The following NRAS variants were observed in gnomAD, a reference collection of about 807,000 sequenced individuals.
NRAS encodes GTPase NRas.
Under a neutral mutation model 21.3 loss-of-function variants are expected in NRAS, and 6 were observed. That is an observed-to-expected ratio of 0.28 (90% confidence interval 0.15 to 0.56). The LOEUF (loss-of-function observed/expected upper bound fraction) is 0.56. Ranked by LOEUF, NRAS falls within the 20% of genes least tolerant of loss-of-function variation. NRAS has a pLI of 0.93. For missense variants in NRAS, 143 were observed against 231.3 expected, an observed-to-expected ratio of 0.62 and a Z score of 2.48; for synonymous variants, 84 against 82.0, an observed-to-expected ratio of 1.02 and a Z score of -0.13.
At chr1:114,708,314 T>C in intron 5 of NRAS, 122 bp from the exon 6 acceptor site, 1 of 583,806 alleles carries the variant, frequency 1.7e-6, no homozygotes, top group Non-Finnish European at 3.0e-6. Flanking sequence ...TCTTATAATT[T>C]CTAATGTTAC....
At chr1:114,716,557 CTT>C (rs1659176235) in intron 1 of NRAS, 99 bp downstream of exon 1, 7 of 347,860 alleles carry the variant, frequency 2.0e-5, no homozygotes, top group South Asian at 4.8e-5. Context: ...CGCCCAAGGC[CTT>C]TGTCTCCAGC....
chr1:114,711,689 A>AT (rs1205021689), intron 3 of NRAS, among the ~76,000 whole-genome samples: 3 of 152,154 alleles, frequency 2.0e-5, no homozygotes, highest in Non-Finnish European at 4.4e-5. Flanking sequence ...AATAGAAAAC[A>AT]TAAGAACTGC....
chr1:114,715,233 A>T (rs1375939030), intron 2 of NRAS, among the ~76,000 whole-genome samples: 1 of 151,644 alleles, frequency 6.6e-6, no homozygotes, highest in Non-Finnish European at 1.5e-5. Context: ...CACCATGTTG[A>T]TCAGGCTGGT....
intron 3 of NRAS, among the ~76,000 whole-genome samples, chr1:114,711,823 C>T (rs954090016): frequency 6.6e-6 from 1 of 152,124 alleles, no homozygotes; most frequent in African/African-American, 2.4e-5. Flanking sequence ...CAACACAATC[C>T]AACAGTACTT....
intron 3 of NRAS, among the ~76,000 whole-genome samples, chr1:114,709,956 G>A (rs574788343): frequency 6.6e-5 from 10 of 152,042 alleles, no homozygotes; most frequent in Non-Finnish European, 1.3e-4. Context: ...ACTTTGGGAG[G>A]TTGAGGTGGG....
intron 3 of NRAS, among the ~76,000 whole-genome samples, chr1:114,710,564 T>A (rs1557981774): frequency 1.3e-5 from 2 of 150,488 alleles, no homozygotes; most frequent in African/African-American, 4.9e-5. Context: ...AGAAAGAAAG[T>A]GAGAGCGAGA....
rs188799052 is a variant in NRAS at position 114,704,659 on chromosome 1, T to C, written c.*3435A>G. ...TTTAAACAGCAGAATTGCACAATTA[T>C]TTTTACCTATATTTGATGGCACAAA... On this transcript the variant is annotated 3_prime_UTR_variant, in exon 7 of 7. Coordinates refer to ENST00000369535, the MANE Select transcript of NRAS (RefSeq NM_002524.5). 1.0e-3 allele frequency: 153 copies of C among 152,344 alleles called. No individual in the cohort carries two copies. Among genetic ancestry groups the C allele is most frequent in the African/African-American group, 2.7e-3 (112 of 41,578 alleles). 9.4% of individuals were successfully genotyped at this position (152,344 alleles called of 1,614,324 possible).
rs553362117 is a variant in NRAS, at chr1:114,716,766, G to C, written c.-126C>G. The C allele has an allele frequency of 6.4e-6, 1 of 155,070 alleles. No individual in the cohort carries two copies. The highest frequency in any genetic ancestry group is 1.4e-5 in the Non-Finnish European group (1 of 69,416). The allele number at this position is 155,070 out of a possible 1,614,324, so 9.6% of individuals were successfully genotyped here. The stretch of plus-strand genomic sequence containing the variant: ...GCCCCCACCAAGGAGCGGCACTTCC[G>C]GCCCCGCCCGCTACGTAATCAGTCG... On this transcript the variant is annotated 5_prime_UTR_variant, in exon 1 of 7. Transcript: ENST00000369535.
At chr1:114,715,654 C>T (rs553730144) in intron 2 of NRAS, among the ~76,000 whole-genome samples, 60 of 152,166 alleles carry the variant, frequency 3.9e-4, no homozygotes, top group Non-Finnish European at 7.5e-4. Context: ...GTCTCAGCTG[C>T]TTCAACTAGC....
At position 114,714,551 on chromosome 1, in the gene NRAS, T is replaced by C. The variant is rs543366990; in HGVS notation, c.112-573A>G. Among the ~76,000 whole-genome samples the C allele has an allele frequency of 3.3e-5, 5 of 152,354 alleles. 1 individual carries two copies. In the South Asian group the frequency reaches 8.3e-4, roughly 25 times the overall value. ...ACAAGGTATAGTTATGTTTAATTTC[T>C]CAGGAAGACAAACATGCATAGATCA... On this transcript the variant is annotated intron_variant, in intron 2 of 6. Transcript: ENST00000369535.
At chr1:114,715,786 T>G (rs571887939) in intron 2 of NRAS, among the ~76,000 whole-genome samples, 1 of 152,240 alleles carries the variant, frequency 6.6e-6, no homozygotes, top group African/African-American at 2.4e-5. Flanking sequence ...AGCTGTTATA[T>G]ATGAAGAAAC....
At chr1:114,712,987 T>C (rs1244193596) in intron 3 of NRAS, among the ~76,000 whole-genome samples, 1 of 152,208 alleles carries the variant, frequency 6.6e-6, no homozygotes, top group East Asian at 1.9e-4. Flanking sequence ...ATAACAATCC[T>C]GACTCCAAAA....
At position 114,707,556 on chromosome 1, in the gene NRAS, C is replaced by T. The variant is rs1658945002; in HGVS notation, c.*538G>A. The T allele has an allele frequency of 6.6e-6, 1 of 152,380 alleles. No individual in the cohort carries two copies. Among genetic ancestry groups the T allele is most frequent in the South Asian group, 2.1e-4 (1 of 4,820 alleles). The allele number at this position is 152,380 out of a possible 1,614,324, so 9.4% of individuals were successfully genotyped here. A position where few individuals can be genotyped will look rare whatever the true frequency, so the allele number is the denominator to read the frequency against. On this transcript the variant is annotated 3_prime_UTR_variant, in exon 7 of 7. Transcript: ENST00000369535. ...GTATTTATGAATCTAGAGCAGATGC[C>T]AGTTTAGAGAATAGAGCCGATAACA...
intron 2 of NRAS, 89 bp from the exon 3 acceptor site, chr1:114,714,067 T>C: frequency 1.2e-6 from 1 of 821,506 alleles, no homozygotes; most frequent in Non-Finnish European, 2.0e-6. Flanking sequence ...TTGCCAAGGT[T>C]AAATAAGCAT....
In NRAS at chr1:114,714,089, A is replaced by G. The variant is rs891648318; in HGVS notation, c.112-111T>C. On this transcript the variant is annotated intron_variant, in intron 2 of 6. Transcript: ENST00000369535. ...GGTTAAATAAGCATCTAACTATTCA[A>G]GCCCATTTCTGCCTATCTGGTTTGT... 5 of 680,730 alleles carry G rather than the reference A, an allele frequency of 7.3e-6. No homozygotes were observed. In the Admixed American group the frequency reaches 1.3e-4, roughly 17 times the overall value. The allele number at this position is 680,730 out of a possible 1,614,324, so 42.2% of individuals were successfully genotyped here.
Position 114,707,973 on chromosome 1 carries a change from G to C in NRAS, c.*121C>G, listed in dbSNP as rs941231198. ...ACTACTGAGAGCTGGGGAAGTAGCA[G>C]GAGCTTCTCTGTGAGACTGAAGACA... On this transcript the variant is annotated 3_prime_UTR_variant, in exon 7 of 7. Transcript: ENST00000369535. The C allele has an allele frequency of 6.3e-6, 1 of 159,650 alleles. No homozygotes were observed. Among genetic ancestry groups the C allele is most frequent in the Admixed American group, 6.0e-5 (1 of 16,560 alleles). 9.9% of individuals were successfully genotyped at this position (159,650 alleles called of 1,614,324 possible).
At chr1:114,708,758 T>A (rs1658973677) in intron 4 of NRAS, 104 bp from the exon 5 acceptor site, 1 of 1,023,598 alleles carries the variant, frequency 9.8e-7, no homozygotes, top group Middle Eastern at 2.1e-4. Flanking sequence ...GACATAAGAT[T>A]CCAATTACTA....
chr1:114,716,250 G>A (rs915620234), intron 1 of NRAS, 73 bp from the exon 2 acceptor site: 6 of 905,458 alleles, frequency 6.6e-6, no homozygotes, highest in Admixed American at 3.4e-5. Flanking sequence ...TATAATCAAT[G>A]GAAATGAAAA....
intron 5 of NRAS, 101 bp downstream of exon 5, chr1:114,708,430 A>G: frequency 9.0e-7 from 1 of 1,105,524 alleles, no homozygotes; most frequent in Non-Finnish European, 1.4e-6. Flanking sequence ...GAGGATAGGC[A>G]GAAACTCAAA....
Sources: gnomAD v4.1 joint callset for allele counts (sites outside exome capture counted in the v4.1 genomes callset) on GRCh38, gnomAD v4.1.1 for gene constraint, MANE v1.5 for transcripts, NCBI Gene and HGNC (gene_info 2026-07-23, HGNC 2026-07-21) for gene names.